The following PCCA variants were observed in gnomAD, a reference collection of about 807,000 sequenced individuals.
PCCA encodes propionyl-CoA carboxylase subunit alpha.
A neutral mutation model predicts 101.3 loss-of-function variants in PCCA; 74 were observed. The ratio of observed to expected loss-of-function variants is 0.73; its 90% CI spans 0.61 to 0.89. The LOEUF is 0.89. PCCA is among the 40% of genes least tolerant of loss of function. PCCA has a pLI of 0.00. For synonymous variants in PCCA, 294 were observed against 313.6 expected (o/e 0.94, Z 0.66); for missense variants, 891 against 907.0 (o/e 0.98, Z 0.23).
At chr13:100,523,165 C>G (rs1022380665) in intron 22 of PCCA, among the ~76,000 whole-genome samples, 1 of 152,126 alleles carries the variant, frequency 6.6e-6, no homozygotes, top group African/African-American at 2.4e-5. Context: ...GGAGAAGGTT[C>G]TCTGTCTTTT....
chr13:100,488,889 C>G (rs978778114), intron 21 of PCCA, among the ~76,000 whole-genome samples: 2 of 152,042 alleles, frequency 1.3e-5, no homozygotes, highest in South Asian at 2.1e-4. Context: ...CTCCCTTACC[C>G]CCACTTTTAT....
At chr13:100,376,308 A>G (rs1054738658) in intron 19 of PCCA, among the ~76,000 whole-genome samples, 2 of 152,198 alleles carry the variant, frequency 1.3e-5, no homozygotes, top group African/African-American at 4.8e-5. Flanking sequence ...GGTGTCTCCC[A>G]GTCAGGAGGC....
chr13:100,122,886 A>T (rs1309194546), intron 4 of PCCA, among the ~76,000 whole-genome samples: 1 of 152,174 alleles, frequency 6.6e-6, no homozygotes, highest in East Asian at 1.9e-4. Context: ...GTGTCCTCAC[A>T]TGGTGGAAGG....
intron 21 of PCCA, among the ~76,000 whole-genome samples, chr13:100,487,621 T>C (rs1317074822): frequency 6.6e-6 from 1 of 152,228 alleles, no homozygotes. Context: ...ATTTCTCAAA[T>C]GGAATTTGAC....
At chr13:100,434,455 A>T (rs1021794225) in intron 20 of PCCA, among the ~76,000 whole-genome samples, 1 of 152,182 alleles carries the variant, frequency 6.6e-6, no homozygotes, top group Admixed American at 6.6e-5. Context: ...AGAGCATGGC[A>T]GGAAGAACCA....
At chr13:100,126,776 A>G (rs1173983254) in intron 4 of PCCA, among the ~76,000 whole-genome samples, 1 of 152,206 alleles carries the variant, frequency 6.6e-6, no homozygotes, top group Non-Finnish European at 1.5e-5. Flanking sequence ...TTAAAGAGTT[A>G]TTGTACAGAT....
intron 19 of PCCA, among the ~76,000 whole-genome samples, chr13:100,403,912 C>G (rs1271311727): frequency 6.6e-6 from 1 of 152,126 alleles, no homozygotes; most frequent in African/African-American, 2.4e-5. Flanking sequence ...AGAACCCCCT[C>G]CCTCCCACCT....
rs765648790 is a variant in PCCA, at chr13:100,422,896, C to T, written c.1747-2737C>T. Among the ~76,000 whole-genome samples, 5 of 150,920 alleles carry T rather than the reference C, an allele frequency of 3.3e-5. No individual in the cohort carries two copies. The South Asian group carries it at 1.0e-3, about 31-fold the overall frequency. On this transcript the variant is annotated intron_variant, in intron 19 of 23. Transcript: ENST00000376285. ...ATTTTTATTTTTTTAAGAGGGGTCA[C>T]GTTTCCTATGGTTGCCTTTGAGACT... is the stretch of plus-strand genomic sequence containing the variant.
chr13:100,241,138 C>T (rs566303930), intron 8 of PCCA, among the ~76,000 whole-genome samples: 4 of 152,200 alleles, frequency 2.6e-5, no homozygotes, highest in South Asian at 2.1e-4. Context: ...GTGCACAATT[C>T]GGTGATTTTT....
intron 4 of PCCA, among the ~76,000 whole-genome samples, chr13:100,144,223 A>G (rs574412444): frequency 3.3e-5 from 5 of 152,272 alleles, no homozygotes; most frequent in African/African-American, 9.6e-5. Flanking sequence ...TTTTGCTGCT[A>G]TTTGTAATAC....
intron 8 of PCCA, among the ~76,000 whole-genome samples, chr13:100,246,472 G>A (rs1006651737): frequency 6.6e-6 from 1 of 151,810 alleles, no homozygotes; most frequent in Admixed American, 6.6e-5. Flanking sequence ...ACCACTTTTG[G>A]CTAATTTTTG....
chr13:100,284,770 T>C (rs938217791), intron 12 of PCCA, among the ~76,000 whole-genome samples: 1 of 152,220 alleles, frequency 6.6e-6, no homozygotes, highest in African/African-American at 2.4e-5. Context: ...CCAGTTCCTC[T>C]TTGCCTTTGA....
intron 11 of PCCA, among the ~76,000 whole-genome samples, chr13:100,272,733 T>C (rs1398667519): frequency 4.6e-5 from 7 of 152,170 alleles, no homozygotes; most frequent in Non-Finnish European, 1.0e-4. Context: ...CAAAGGACCA[T>C]GAAAGCGCCT....
In PCCA at chr13:100,425,674, G is replaced by A. The variant is rs776496862; in HGVS notation, c.1788G>A (p.Trp596Ter). ...CGAAACTAAATGTGACCAGCACGTG[G>A]AACCTGGCTTCGCCCTTATTGTCTG... is the stretch of plus-strand genomic sequence containing the variant. Reference protein sequence around the residue: ...DGSKLNVTSTWNLASPLLSVS... With the variant: ...DGSKLNVTST The change falls in exon 20 of 24, where the codon TGG becomes TGA. Residue 596 changes from tryptophan (W) to a stop codon, truncating the protein, a stop_gained. Coordinates refer to ENST00000376285, the MANE Select transcript of PCCA (RefSeq NM_000282.4). LOFTEE classifies it high-confidence loss of function. 1.2e-5 allele frequency: 19 copies of A among 1,614,028 alleles called. No homozygotes were observed. Among genetic ancestry groups the A allele is most frequent in the Admixed American group, 5.0e-5 (3 of 60,010 alleles).
intron 22 of PCCA, among the ~76,000 whole-genome samples, chr13:100,519,051 C>T (rs547759747): frequency 6.6e-6 from 1 of 152,284 alleles, no homozygotes; most frequent in East Asian, 1.9e-4. Context: ...CTTTGTTAGC[C>T]TTTTGATATC....
At chr13:100,177,290 T>C (rs2056326691) in intron 6 of PCCA, among the ~76,000 whole-genome samples, 1 of 152,228 alleles carries the variant, frequency 6.6e-6, no homozygotes, top group Admixed American at 6.5e-5. Flanking sequence ...GTTCTGATTA[T>C]GAGAAGACTA....
intron 12 of PCCA, chr13:100,293,147 A>G (rs1402114890): frequency 8.6e-6 from 4 of 463,838 alleles, no homozygotes; most frequent in Non-Finnish European, 1.8e-5. Context: ...AGCTGTCCAT[A>G]TCTTTGAGAA....
intron 8 of PCCA, chr13:100,236,963 A>G (rs1213843083): frequency 1.3e-5 from 2 of 152,228 alleles, no homozygotes; most frequent in Non-Finnish European, 2.9e-5. Context: ...CAATGCTTGT[A>G]GGGATCCCAG....
chr13:100,226,679 A>G (rs368235097), intron 7 of PCCA, among the ~76,000 whole-genome samples: 1 of 152,160 alleles, frequency 6.6e-6, no homozygotes, highest in Non-Finnish European at 1.5e-5. Flanking sequence ...GGTTAGTTCT[A>G]TGTTATCTAG....
Sources: allele counts gnomAD v4.1 joint callset (sites outside exome capture counted in the v4.1 genomes callset), GRCh38; gene constraint gnomAD v4.1.1; transcripts MANE v1.5; gene names NCBI Gene and HGNC (gene_info 2026-07-23, HGNC 2026-07-21).